LIPI: variants seen among roughly 807,000 people sequenced by gnomAD.
LIPI encodes lipase member I.
Under a neutral mutation model 50.6 loss-of-function variants are expected in LIPI, and 59 were observed. The ratio of observed to expected loss-of-function variants is 1.16; its 90% CI spans 0.94 to 1.45. LIPI has a LOEUF of 1.45. LIPI is among the 40% of genes most tolerant of loss of function. The pLI is 0.00. For synonymous variants in LIPI, 203 were observed against 178.2 expected (o/e 1.14, Z -1.11); for missense variants, 586 against 536.3 (o/e 1.09, Z -0.92).
chr21:14,123,115 T>C lies in LIPI; in HGVS notation c.1296-14035A>G, dbSNP rs557914178. ...CAAGATAACTTCACCATACTGGAATTTGTTACAAGGTTCAATGTATATCCA... is the reference window on the plus strand; with the variant it reads ...CAAGATAACTTCACCATACTGGAATCTGTTACAAGGTTCAATGTATATCCA... On this transcript the variant is annotated intron_variant, in intron 9 of 9. Transcript: ENST00000681601. Among the ~76,000 whole-genome samples, 14 of 152,302 alleles carry C rather than the reference T, an allele frequency of 9.2e-5. No individual in the cohort carries two copies. In the East Asian group the frequency reaches 1.9e-3, roughly 21 times the overall value.
chr21:14,206,828 C>T (rs1358707174), intron 1 of LIPI: 1 of 1,604,714 alleles, frequency 6.2e-7, no homozygotes, highest in Non-Finnish European at 8.5e-7. Flanking sequence ...ATCTCAGGCA[C>T]ACAACTAGAA....
At chr21:14,199,494 T>C (rs1600933984) in intron 1 of LIPI, among the ~76,000 whole-genome samples, 3 of 151,722 alleles carry the variant, frequency 2.0e-5, no homozygotes, top group South Asian at 4.2e-4. Flanking sequence ...CTAGAAGAAA[T>C]TGATAAATTC....
At chr21:14,126,040 A>G (rs994802461) in intron 9 of LIPI, among the ~76,000 whole-genome samples, 1 of 152,100 alleles carries the variant, frequency 6.6e-6, no homozygotes, top group African/African-American at 2.4e-5. Context: ...TAAAAAAAAA[A>G]GGCTGGTGAA....
At chr21:14,154,188 A>T (rs2018197210) in intron 7 of LIPI, among the ~76,000 whole-genome samples, 1 of 152,070 alleles carries the variant, frequency 6.6e-6, no homozygotes, top group African/African-American at 2.4e-5. Context: ...ATCAATGAAT[A>T]CATTCAGTCT....
At chr21:14,169,748 A>T (rs1032420220) in intron 4 of LIPI, among the ~76,000 whole-genome samples, 1 of 152,254 alleles carries the variant, frequency 6.6e-6, no homozygotes, top group African/African-American at 2.4e-5. Flanking sequence ...CTAAATGCCC[A>T]CAAGAGAAAG....
intron 1 of LIPI, among the ~76,000 whole-genome samples, chr21:14,198,738 T>C (rs432135): frequency 0.51 from 76,911 of 151,860 alleles, 19,885 homozygotes; most frequent in Non-Finnish European, 0.56. Context: ...TAAAGATATT[T>C]AGGATCAGAA....
At chr21:14,154,594 A>T (rs2018211915) in intron 7 of LIPI, among the ~76,000 whole-genome samples, 1 of 152,204 alleles carries the variant, frequency 6.6e-6, no homozygotes, top group South Asian at 2.1e-4. Context: ...GGAAAATACT[A>T]CAGGATATAA....
At chr21:14,115,248 T>A (rs1398957627) in intron 9 of LIPI, among the ~76,000 whole-genome samples, 1 of 152,172 alleles carries the variant, frequency 6.6e-6, no homozygotes, top group African/African-American at 2.4e-5. Context: ...CTAGTGCAGC[T>A]GCAAAGTTAC....
chr21:14,139,412 A>C (rs1303399283), intron 9 of LIPI, among the ~76,000 whole-genome samples: 2 of 152,114 alleles, frequency 1.3e-5, no homozygotes, highest in Non-Finnish European at 1.5e-5. Flanking sequence ...CATGTCTATT[A>C]ATCATTTTTT....
At chr21:14,174,588 C>G (rs1242117611) in intron 4 of LIPI, among the ~76,000 whole-genome samples, 2 of 151,880 alleles carry the variant, frequency 1.3e-5, no homozygotes, top group African/African-American at 2.4e-5. Context: ...GAGTCTGGCT[C>G]TGTCGCCCAG....
chr21:14,187,343 G>A (rs2019491306), intron 2 of LIPI, among the ~76,000 whole-genome samples: 1 of 152,094 alleles, frequency 6.6e-6, no homozygotes, highest in African/African-American at 2.4e-5. Context: ...GAAAGATGTG[G>A]AGCGCTTGCC....
chr21:14,205,981 C>G (rs1337277820), intron 1 of LIPI, among the ~76,000 whole-genome samples: 1 of 152,028 alleles, frequency 6.6e-6, no homozygotes, highest in Non-Finnish European at 1.5e-5. Context: ...GTAATCTCAA[C>G]AGAGAGGTAA....
chr21:14,129,215 GA>G (rs1277717955), intron 9 of LIPI, among the ~76,000 whole-genome samples: 1 of 151,936 alleles, frequency 6.6e-6, no homozygotes, highest in Non-Finnish European at 1.5e-5. Context: ...AAGAAAATGA[GA>G]AGAAATGATT....
intron 1 of LIPI, among the ~76,000 whole-genome samples, chr21:14,196,936 A>G (rs1181588930): frequency 2.6e-5 from 4 of 152,118 alleles, no homozygotes; most frequent in African/African-American, 2.4e-5. Flanking sequence ...AAGGTCCAAT[A>G]CTTTTTAAAT....
chr21:14,147,463 G>A (rs187385573), intron 8 of LIPI, among the ~76,000 whole-genome samples: 60 of 152,214 alleles, frequency 3.9e-4, no homozygotes, highest in African/African-American at 1.3e-3. Flanking sequence ...GCCTGGCTCC[G>A]TGTAGATAAT....
rs28829077 is a variant in LIPI, at chr21:14,155,499, T to G, written c.1007-2815A>C. Among the ~76,000 whole-genome samples the G allele has an allele frequency of 1.7e-3, 252 of 151,930 alleles. 1 individual carries two copies. Among genetic ancestry groups the G allele is most frequent in the African/African-American group, 5.8e-3 (242 of 41,480 alleles). ...TGAACCTGAAATATAATAAACTTCA[T>G]GAAATTCTAACCAAGAGACATCATA... On this transcript the variant is annotated intron_variant, in intron 7 of 9. Coordinates refer to ENST00000681601, the MANE Select transcript of LIPI (RefSeq NM_001302998.2).
Position 14,202,401 on chromosome 21 carries a change from C to T in LIPI, c.46+8399G>A, listed in dbSNP as rs902523523. 8.5e-5 allele frequency among the ~76,000 whole-genome samples: 13 copies of T among 152,252 alleles called. No individual in the cohort carries two copies. In the East Asian group the frequency reaches 9.6e-4, roughly 11 times the overall value. On this transcript the variant is annotated intron_variant, in intron 1 of 9. Transcript: ENST00000681601. ...TCAATCCTAAGCCAAAAGAACAAAG[C>T]TGGAGGCATCATGCTACCTGACTTC...
chr21:14,158,468 T>A (rs1015173037), intron 7 of LIPI, among the ~76,000 whole-genome samples: 1 of 151,456 alleles, frequency 6.6e-6, no homozygotes, highest in Non-Finnish European at 1.5e-5. Flanking sequence ...ACTAAATGAT[T>A]ACATTAGAAA....
intron 4 of LIPI, among the ~76,000 whole-genome samples, chr21:14,177,287 AT>A (rs1295512947): frequency 6.6e-6 from 1 of 151,972 alleles, no homozygotes; most frequent in South Asian, 2.1e-4. Context: ...ATATTTGCAT[AT>A]TTTTTATCAC....
Sources: allele counts gnomAD v4.1 joint callset (sites outside exome capture counted in the v4.1 genomes callset), GRCh38; gene constraint gnomAD v4.1.1; transcripts MANE v1.5; gene names NCBI Gene and HGNC (gene_info 2026-07-23, HGNC 2026-07-21).